Variants in NEDD4L observed in about 807,000 individuals in gnomAD.
The protein encoded by NEDD4L is NEDD4 like E3 ubiquitin protein ligase, also known as E3 ubiquitin-protein ligase NEDD4-like.
In NEDD4L, 54 loss-of-function variants were observed where a neutral mutation model predicts 148.9. The ratio of observed to expected loss-of-function variants is 0.36; its 90% CI spans 0.29 to 0.45. The LOEUF (loss-of-function observed/expected upper bound fraction) is 0.45. Ranked by LOEUF, NEDD4L falls within the 20% of genes least tolerant of loss-of-function variation. NEDD4L has a pLI of 1.00. For missense variants in NEDD4L, 856 were observed against 1,233.8 expected, an observed-to-expected ratio of 0.69 and a Z score of 4.59; for synonymous variants, 433 against 440.7, an observed-to-expected ratio of 0.98 and a Z score of 0.22.
intron 1 of NEDD4L, among the ~76,000 whole-genome samples, chr18:58,067,707 C>G (rs78471835): frequency 0.025 from 3,794 of 152,214 alleles, 165 homozygotes; most frequent in African/African-American, 0.086. Context: ...TGATTTGTGT[C>G]CCAGTGGAAC....
intron 1 of NEDD4L, among the ~76,000 whole-genome samples, chr18:58,080,882 G>A (rs1326649491): frequency 6.6e-6 from 1 of 152,122 alleles, no homozygotes; most frequent in African/African-American, 2.4e-5. Flanking sequence ...GCCCCATCAA[G>A]CTCTTAAGAA....
At chr18:58,162,616 C>A (rs995862075) in intron 1 of NEDD4L, among the ~76,000 whole-genome samples, 1 of 150,160 alleles carries the variant, frequency 6.7e-6, no homozygotes, top group East Asian at 1.9e-4. Context: ...CTGTCTTCCG[C>A]CTACTAGATG....
At chr18:58,138,529 C>A (rs1268413578) in intron 1 of NEDD4L, among the ~76,000 whole-genome samples, 1 of 152,088 alleles carries the variant, frequency 6.6e-6, no homozygotes, top group African/African-American at 2.4e-5. Context: ...TTCACCTGTC[C>A]CTCTTCCCTC....
intron 1 of NEDD4L, among the ~76,000 whole-genome samples, chr18:58,146,995 T>C (rs973442871): frequency 6.6e-6 from 1 of 152,138 alleles, no homozygotes; most frequent in Non-Finnish European, 1.5e-5. Context: ...GCCTCAGGAC[T>C]CCGAGCAGAG....
intron 2 of NEDD4L, among the ~76,000 whole-genome samples, chr18:58,205,816 CT>C (rs1334216056): frequency 1.3e-5 from 2 of 151,650 alleles, no homozygotes; most frequent in Admixed American, 6.6e-5. Context: ...CTCTCATTTC[CT>C]TTCACATCCC....
At chr18:58,125,996 G>A (rs1219090973) in intron 1 of NEDD4L, among the ~76,000 whole-genome samples, 2 of 152,214 alleles carry the variant, frequency 1.3e-5, no homozygotes, top group Non-Finnish European at 2.9e-5. Flanking sequence ...GGGGAAGTTG[G>A]CATCTGCTGT....
chr18:58,357,390 C>T, intron 19 of NEDD4L, 138 bp downstream of exon 19: 1 of 827,366 alleles, frequency 1.2e-6, no homozygotes, highest in East Asian at 2.4e-5. Flanking sequence ...CACTTTGCTG[C>T]CATCTCCTTA....
intron 2 of NEDD4L, among the ~76,000 whole-genome samples, chr18:58,227,562 T>G (rs1370154090): frequency 6.6e-6 from 1 of 152,156 alleles, no homozygotes; most frequent in East Asian, 1.9e-4. Context: ...CCCTGCATGC[T>G]CTGTCTAAGG....
chr18:58,180,105 G>A (rs1416012328), intron 2 of NEDD4L, among the ~76,000 whole-genome samples: 3 of 152,218 alleles, frequency 2.0e-5, no homozygotes, highest in Non-Finnish European at 4.4e-5. Context: ...TCCTGCCTGG[G>A]CAAACACTTC....
intron 9 of NEDD4L, among the ~76,000 whole-genome samples, chr18:58,328,707 GT>G (rs1300892151): frequency 6.6e-6 from 1 of 152,136 alleles, no homozygotes; most frequent in Non-Finnish European, 1.5e-5. Context: ...TTTGATTTCT[GT>G]TTTTTATTAA....
intron 2 of NEDD4L, among the ~76,000 whole-genome samples, chr18:58,166,625 G>A (rs1340314243): frequency 2.0e-5 from 3 of 152,192 alleles, no homozygotes; most frequent in Non-Finnish European, 4.4e-5. Flanking sequence ...ATCCAGAAAG[G>A]TTAAACTACC....
At chr18:58,260,953 C>T (rs2049285563) in intron 5 of NEDD4L, among the ~76,000 whole-genome samples, 1 of 152,124 alleles carries the variant, frequency 6.6e-6, no homozygotes, top group Non-Finnish European at 1.5e-5. Flanking sequence ...CTCGTAGGTT[C>T]ATAGTTAGGT....
intron 2 of NEDD4L, chr18:58,195,777 T>C: frequency 8.4e-7 from 1 of 1,188,012 alleles, no homozygotes; most frequent in African/African-American, 1.5e-5. Context: ...ACTCGATTAG[T>C]GCCCACAGCA....
chr18:58,370,518 T>C (rs1268956133), intron 23 of NEDD4L, 51 bp downstream of exon 23: 8 of 1,207,200 alleles, frequency 6.6e-6, no homozygotes, highest in African/African-American at 6.0e-5. Flanking sequence ...TCGTGTCTTA[T>C]GAGAAGGTAT....
At chr18:58,104,140 C>G (rs543977271) in intron 1 of NEDD4L, among the ~76,000 whole-genome samples, 16 of 152,212 alleles carry the variant, frequency 1.1e-4, no homozygotes, top group African/African-American at 3.9e-4. Context: ...TAAAAAGGGA[C>G]GAAGTACTGA....
chr18:58,234,502 T>TA (rs1255296891), intron 2 of NEDD4L, among the ~76,000 whole-genome samples: 64 of 146,846 alleles, frequency 4.4e-4, no homozygotes, highest in Middle Eastern at 3.5e-3. Context: ...TGGCTAAGTT[T>TA]AAAAAAAAAA....
intron 1 of NEDD4L, chr18:58,046,391 G>A (rs1457223137): frequency 1.3e-5 from 1 of 74,220 alleles, no homozygotes; most frequent in African/African-American, 5.0e-5. Flanking sequence ...GGGCTGCTTG[G>A]GTTGACGTAT....
intron 2 of NEDD4L, among the ~76,000 whole-genome samples, chr18:58,184,379 T>G (rs561056124): frequency 6.6e-6 from 1 of 152,170 alleles, no homozygotes; most frequent in South Asian, 2.1e-4. Context: ...CAGAGATGGT[T>G]TTGATGAGCC....
chr18:58,184,452 G>A (rs547951501), intron 2 of NEDD4L, among the ~76,000 whole-genome samples: 17 of 151,978 alleles, frequency 1.1e-4, no homozygotes, highest in Admixed American at 5.9e-4. Flanking sequence ...CAATCATGCC[G>A]GGCACTAGCA....
Sources: allele counts gnomAD v4.1 joint callset (sites outside exome capture counted in the v4.1 genomes callset), GRCh38; gene constraint gnomAD v4.1.1; transcripts MANE v1.5; gene names NCBI Gene and HGNC (gene_info 2026-07-23, HGNC 2026-07-21).